Variants in DAAM1 observed in about 807,000 individuals in gnomAD.
DAAM1 encodes disheveled-associated activator of morphogenesis 1.
In DAAM1, 52 loss-of-function variants were observed where a neutral mutation model predicts 130.0. That is an observed-to-expected ratio of 0.40 (90% CI 0.32 to 0.50). DAAM1 has a LOEUF of 0.50. Among genes scored for constraint, DAAM1 ranks in the 20% least tolerant of loss-of-function variants. DAAM1 has a pLI of 0.61. For synonymous variants in DAAM1, 452 were observed against 444.5 expected (o/e 1.02, Z -0.21); for missense variants, 1,134 against 1,303.8 (o/e 0.87, Z 2.01).
intron 2 of DAAM1, among the ~76,000 whole-genome samples, chr14:59,267,517 C>T (rs191502891): frequency 1.3e-5 from 2 of 152,154 alleles, no homozygotes; most frequent in Admixed American, 1.3e-4. Context: ...ACAAAAACAG[C>T]TTTATTGAGA....
In DAAM1 at chr14:59,315,307, A is replaced by G; in HGVS notation, c.301A>G (p.Ser101Gly). Residue 101 changes from serine (S) to glycine (G), a missense_variant, in exon 4 of 25, where the codon AGT becomes GGT. By Grantham distance (56) the Ser-to-Gly change is moderately conservative. Around this residue, in one of 3 missense-constraint regions of DAAM1, gnomAD observed 391 missense variants for 521.6 expected, o/e 0.75. Coordinates refer to ENST00000360909, the MANE Select transcript of DAAM1 (RefSeq NM_001270520.2). ...CCAGGAAGAAAACAAGGGAGCTACA[A>G]GTTGGCCTGAATTCTACATTGATCA... ...KDQEENKGATSWPEFYIDQLN... is the reference protein window; with the variant it reads ...KDQEENKGATGWPEFYIDQLN... 2 of 1,614,030 alleles carry G rather than the reference A, an allele frequency of 1.2e-6. No individual in the cohort carries two copies. The highest frequency in any genetic ancestry group is 1.7e-6 in the Non-Finnish European group (2 of 1,179,954).
intron 1 of DAAM1, among the ~76,000 whole-genome samples, chr14:59,252,390 C>G (rs551181340): frequency 7.5e-4 from 114 of 152,304 alleles, no homozygotes; most frequent in African/African-American, 2.7e-3. Context: ...ATGCAAATAT[C>G]AGAGTTTTTG....
intron 1 of DAAM1, among the ~76,000 whole-genome samples, chr14:59,258,106 T>C (rs1450504020): frequency 6.6e-6 from 1 of 152,226 alleles, no homozygotes; most frequent in Non-Finnish European, 1.5e-5. Flanking sequence ...ACAGGCATCT[T>C]TTCTCATTTT....
intron 2 of DAAM1, among the ~76,000 whole-genome samples, chr14:59,281,842 T>C (rs538977112): frequency 6.6e-6 from 1 of 152,210 alleles, no homozygotes; most frequent in South Asian, 2.1e-4. Flanking sequence ...TATTATGAAA[T>C]CAAAATGAGT....
At chr14:59,323,806 G>A (rs1418087581) in intron 6 of DAAM1, among the ~76,000 whole-genome samples, 1 of 152,044 alleles carries the variant, frequency 6.6e-6, no homozygotes, top group Non-Finnish European at 1.5e-5. Flanking sequence ...GCTGAGGCAG[G>A]CGGATCGCAA....
intron 1 of DAAM1, among the ~76,000 whole-genome samples, chr14:59,208,008 CATAGAA>C (rs1888316409): frequency 6.6e-6 from 1 of 152,238 alleles, no homozygotes; most frequent in East Asian, 1.9e-4. Flanking sequence ...CAGAAAAGTA[CATAGAA>C]ATAGATAAAA....
At chr14:59,206,015 T>C (rs1024662540) in intron 1 of DAAM1, among the ~76,000 whole-genome samples, 1 of 151,952 alleles carries the variant, frequency 6.6e-6, no homozygotes, top group African/African-American at 2.4e-5. Flanking sequence ...TATGCCTGTC[T>C]AAATTTTGAA....
chr14:59,337,804 G>A (rs1211545686), intron 15 of DAAM1, among the ~76,000 whole-genome samples: 1 of 152,090 alleles, frequency 6.6e-6, no homozygotes, highest in Admixed American at 6.6e-5. Flanking sequence ...AGCACCTACA[G>A]GCATTATTTG....
chr14:59,302,197 TC>T (rs1884200134), intron 3 of DAAM1, among the ~76,000 whole-genome samples: 1 of 152,208 alleles, frequency 6.6e-6, no homozygotes, highest in South Asian at 2.1e-4. Flanking sequence ...AACTTGCATT[TC>T]TTTAGTGAGT....
intron 1 of DAAM1, among the ~76,000 whole-genome samples, chr14:59,234,880 T>TTA (rs1741338966): frequency 1.3e-5 from 2 of 152,334 alleles, no homozygotes; most frequent in African/African-American, 4.8e-5. Flanking sequence ...CAGAGGCCTT[T>TTA]TCTGCATCTA....
intron 1 of DAAM1, among the ~76,000 whole-genome samples, chr14:59,231,308 G>A (rs1460913143): frequency 1.3e-5 from 2 of 152,066 alleles, no homozygotes; most frequent in African/African-American, 4.8e-5. Flanking sequence ...TGATACAGAT[G>A]TAAGCACAAG....
At chr14:59,277,558 G>GA (rs1201742621) in intron 2 of DAAM1, among the ~76,000 whole-genome samples, 1 of 151,380 alleles carries the variant, frequency 6.6e-6, no homozygotes, top group Non-Finnish European at 1.5e-5. Context: ...TCATCTCCAA[G>GA]AAGAAGAGCC....
rs185972192 is a variant in DAAM1 at position 59,345,338 on chromosome 14, G to A, written c.2076-2201G>A. On this transcript the variant is annotated intron_variant, in intron 16 of 24. Coordinates refer to ENST00000360909, the MANE Select transcript of DAAM1 (RefSeq NM_001270520.2). Reference sequence around the variant, plus strand: ...CCAGGACAAGGGCTGCTGTAACGGCGTAGGGGTTATAATGGCAACACAGCT... The same window carrying A: ...CCAGGACAAGGGCTGCTGTAACGGCATAGGGGTTATAATGGCAACACAGCT... Among the ~76,000 whole-genome samples the A allele has an allele frequency of 2.0e-3, 310 of 152,326 alleles. 2 individuals carry two copies. Among genetic ancestry groups the A allele is most frequent in the Admixed American group, 0.015 (225 of 15,302 alleles).
At chr14:59,211,159 ATCT>A (rs1337822810) in intron 1 of DAAM1, among the ~76,000 whole-genome samples, 10 of 152,218 alleles carry the variant, frequency 6.6e-5, no homozygotes, top group Non-Finnish European at 8.8e-5. Flanking sequence ...AGAGAAATAA[ATCT>A]TCTTCCAAGC....
chr14:59,217,068 A>G (rs1888605388), intron 1 of DAAM1, among the ~76,000 whole-genome samples: 1 of 152,054 alleles, frequency 6.6e-6, no homozygotes, highest in Non-Finnish European at 1.5e-5. Flanking sequence ...ATTGTGTTTG[A>G]CCTGGTCTTG....
chr14:59,201,010 A>G (rs1888084264), intron 1 of DAAM1, among the ~76,000 whole-genome samples: 1 of 151,772 alleles, frequency 6.6e-6, no homozygotes, highest in Non-Finnish European at 1.5e-5. Flanking sequence ...AAATACAAAA[A>G]ATCAGCCAGG....
intron 23 of DAAM1, among the ~76,000 whole-genome samples, chr14:59,364,629 C>A (rs1886842404): frequency 6.6e-6 from 1 of 151,078 alleles, no homozygotes; most frequent in Admixed American, 6.6e-5. Flanking sequence ...CCACAACACT[C>A]TGAGTCTTTT....
intron 1 of DAAM1, among the ~76,000 whole-genome samples, chr14:59,199,203 A>C (rs1888019912): frequency 6.6e-6 from 1 of 152,210 alleles, no homozygotes; most frequent in African/African-American, 2.4e-5. Flanking sequence ...TGTAGGATAT[A>C]AGGGATGAAA....
rs1315035780 is a variant in DAAM1, at chr14:59,368,632, A to ATT, written c.2998-16_2998-15dup. On this transcript the variant is annotated splice_polypyrimidine_tract_variant and intron_variant, in intron 24 of 24. Coordinates refer to ENST00000360909, the MANE Select transcript of DAAM1 (RefSeq NM_001270520.2). The stretch of plus-strand genomic sequence containing the variant: ...CATTTTGACATGTCTCAAAGAGGTT[A>ATT]TTTCTTTCTATTTGCAGCTCAAAGA... 9 of 1,605,518 alleles carry ATT rather than the reference A, an allele frequency of 5.6e-6. No individual in the cohort carries two copies. Among genetic ancestry groups the ATT allele is most frequent in the African/African-American group, 1.3e-5 (1 of 74,276 alleles).
Sources: allele counts gnomAD v4.1 joint callset (sites outside exome capture counted in the v4.1 genomes callset), GRCh38; gene constraint gnomAD v4.1.1; regional missense constraint gnomAD v4.1.1; transcripts MANE v1.5; gene names NCBI Gene and HGNC (gene_info 2026-07-23, HGNC 2026-07-21).